The following TCOF1 variants were observed in gnomAD, a reference collection of about 807,000 sequenced individuals.
The protein encoded by TCOF1 is treacle ribosome biogenesis factor 1, also known as treacle protein.
In TCOF1, 33 loss-of-function variants were observed where a neutral mutation model predicts 149.0. The ratio of observed to expected loss-of-function variants is 0.22; its 90% confidence interval spans 0.17 to 0.30. TCOF1 has a LOEUF of 0.30. Ranked by LOEUF, TCOF1 falls within the 10% of genes least tolerant of loss-of-function variation. TCOF1 has a pLI of 1.00. For synonymous variants in TCOF1, 789 were observed against 738.8 expected, an observed-to-expected ratio of 1.07 and a Z score of -1.10; for missense variants, 1,728 against 1,840.7, an observed-to-expected ratio of 0.94 and a Z score of 1.12.
chr5:150,380,117 A>C (rs1561508600), intron 17 of TCOF1: 1 of 258,888 alleles, frequency 3.9e-6, no homozygotes, highest in African/African-American at 2.2e-5. Context: ...ACCAGGGTTT[A>C]GGGCCAGGTA....
chr5:150,390,493 C>T (rs2151018122), intron 19 of TCOF1, among the ~76,000 whole-genome samples: 1 of 152,266 alleles, frequency 6.6e-6, no homozygotes, highest in Non-Finnish European at 1.5e-5. Flanking sequence ...AAACTTAGCA[C>T]ACATCCCCAC....
intron 17 of TCOF1, chr5:150,384,099 C>G: frequency 8.2e-7 from 1 of 1,219,254 alleles, no homozygotes. Context: ...CCAGAGCGGT[C>G]TCATGAACCA....
At chr5:150,382,371 C>T (rs1765409774) in intron 17 of TCOF1, among the ~76,000 whole-genome samples, 1 of 152,192 alleles carries the variant, frequency 6.6e-6, no homozygotes. Context: ...TGTTAGGAGG[C>T]AGCCTGCAGT....
Position 150,363,684 on chromosome 5 carries a change from A to G in TCOF1, c.165-429A>G, listed in dbSNP as rs73270835. Among the ~76,000 whole-genome samples, 1,394 of 152,300 alleles carry G rather than the reference A, an allele frequency of 9.2e-3. 22 individuals are homozygous for G. Among genetic ancestry groups the G allele is most frequent in the African/African-American group, 0.03 (1,267 of 41,556 alleles). ...CAGAGCATGCCTTGGAAGAGGGGCAATCTTCGAGGGCCTCTCTTGGGGGGC... is the reference window on the plus strand; with the variant it reads ...CAGAGCATGCCTTGGAAGAGGGGCAGTCTTCGAGGGCCTCTCTTGGGGGGC... On this transcript the variant is annotated intron_variant, in intron 2 of 26. Transcript: ENST00000643257.
chr5:150,395,226 T>C (rs1244170752), intron 23 of TCOF1, among the ~76,000 whole-genome samples: 2 of 152,188 alleles, frequency 1.3e-5, no homozygotes, highest in African/African-American at 4.8e-5. Flanking sequence ...CAGTGTGACA[T>C]GAGTACCACA....
At chr5:150,375,250 C>T in intron 10 of TCOF1, 87 bp downstream of exon 10, 2 of 1,607,448 alleles carry the variant, frequency 1.2e-6, no homozygotes, top group Non-Finnish European at 1.7e-6. Context: ...AACCTAGAGC[C>T]CTGTGCGGCT....
chr5:150,390,541 G>A (rs763436392), intron 19 of TCOF1, among the ~76,000 whole-genome samples: 12 of 152,228 alleles, frequency 7.9e-5, no homozygotes, highest in Non-Finnish European at 1.5e-4. Context: ...CAGCAAGGCC[G>A]GAACCCGGGT....
rs181108214 is a variant in TCOF1, at chr5:150,398,232, G to A, written c.4346-122G>A. On this transcript the variant is annotated intron_variant, in intron 24 of 26. Transcript: ENST00000643257. The stretch of plus-strand genomic sequence containing the variant: ...CCTCCACGCCCCGCCCTGCTGGCCT[G>A]TTGTGATGGCTTCTGGTGGTGTGGG... 3.2e-5 allele frequency: 51 copies of A among 1,578,672 alleles called. No homozygotes were observed. The African/African-American group carries it at 6.6e-4, about 20-fold the overall frequency.
At chr5:150,362,114 A>G (rs1760244771) in intron 2 of TCOF1, among the ~76,000 whole-genome samples, 1 of 152,150 alleles carries the variant, frequency 6.6e-6, no homozygotes, top group African/African-American at 2.4e-5. Flanking sequence ...GTGGGAGAGG[A>G]AGTATCTTAT....
Position 150,392,182 on chromosome 5 carries a change from G to A in TCOF1, c.3517+6G>A, listed in dbSNP as rs1391916966. On this transcript the variant is annotated splice_donor_region_variant and intron_variant, in intron 21 of 26. Coordinates refer to ENST00000643257, the MANE Select transcript of TCOF1 (RefSeq NM_001371623.1). ...CAAGTCAGCCCACACGCTGGGTGAG[G>A]GTGCCAGGGGAAAGGCAAGGGTGGG... is the stretch of plus-strand genomic sequence containing the variant. 3 of 1,613,004 alleles carry A rather than the reference G, an allele frequency of 1.9e-6. No homozygotes were observed. The highest frequency in any genetic ancestry group is 2.5e-6 in the Non-Finnish European group (3 of 1,179,260).
At chr5:150,387,414 G>A (rs997464840) in intron 17 of TCOF1, among the ~76,000 whole-genome samples, 1 of 152,218 alleles carries the variant, frequency 6.6e-6, no homozygotes, top group Non-Finnish European at 1.5e-5. Context: ...AACCTCTGGG[G>A]TTGGGGCAAC....
At chr5:150,379,430 T>G in intron 16 of TCOF1, 22 bp downstream of exon 16, 2 of 1,613,096 alleles carry the variant, frequency 1.2e-6, no homozygotes, top group East Asian at 4.5e-5. Context: ...GGAATGGAGA[T>G]CATCCCCTAC....
rs752331474 is a variant in TCOF1 at position 150,375,178 on chromosome 5, C to T, written c.1488+15C>T. On this transcript the variant is annotated intron_variant, in intron 10 of 26. Transcript: ENST00000643257. The stretch of plus-strand genomic sequence containing the variant: ...ATGCAGCTCAGGTGAGGCTGGAAGC[C>T]GCCCTGCATGGCCTGTGCCCTGCCT... 7.4e-6 allele frequency: 12 copies of T among 1,612,808 alleles called. No individual in the cohort carries two copies. The highest frequency in any genetic ancestry group is 6.6e-5 in the South Asian group (6 of 91,036).
chr5:150,393,734 C>T (rs1232662790), intron 23 of TCOF1, 182 bp downstream of exon 23: 7 of 811,390 alleles, frequency 8.6e-6, no homozygotes, highest in African/African-American at 6.8e-5. Flanking sequence ...GCAGGTGGGG[C>T]CAGGTGCAGT....
chr5:150,391,012 G>C (rs947771472), intron 19 of TCOF1, among the ~76,000 whole-genome samples: 2 of 152,218 alleles, frequency 1.3e-5, no homozygotes, highest in African/African-American at 4.8e-5. Context: ...TGCTTAAGCA[G>C]AAAAAGCAGC....
chr5:150,375,578 C>T, intron 11 of TCOF1, 24 bp downstream of exon 11: 1 of 1,613,696 alleles, frequency 6.2e-7, no homozygotes, highest in Non-Finnish European at 8.5e-7. Context: ...CTGTAAGGCT[C>T]TTTCTTTTTC....
At chr5:150,361,027 T>C in intron 1 of TCOF1, 129 bp from the exon 2 acceptor site, 1 of 1,179,566 alleles carries the variant, frequency 8.5e-7, no homozygotes, top group Non-Finnish European at 1.3e-6. Context: ...TGAGCCACCA[T>C]GCCCAGCCAA....
chr5:150,371,435 G>A (rs1041504933), intron 6 of TCOF1, among the ~76,000 whole-genome samples: 1 of 152,156 alleles, frequency 6.6e-6, no homozygotes, highest in Admixed American at 6.5e-5. Context: ...AGTAGCAGAC[G>A]CCCCAGAAAC....
At chr5:150,359,907 A>G (rs964704605) in intron 1 of TCOF1, among the ~76,000 whole-genome samples, 1 of 152,194 alleles carries the variant, frequency 6.6e-6, no homozygotes, top group African/African-American at 2.4e-5. Context: ...AGTCTCATTG[A>G]GAAGGTGTCA....
Sources: allele counts gnomAD v4.1 joint callset (sites outside exome capture counted in the v4.1 genomes callset), GRCh38; gene constraint gnomAD v4.1.1; transcripts MANE v1.5; gene names NCBI Gene and HGNC (gene_info 2026-07-23, HGNC 2026-07-21).